The following FEZ2 variants were observed in gnomAD, a reference collection of about 807,000 sequenced individuals.
FEZ2 encodes fasciculation and elongation protein zeta 2.
Under a neutral mutation model 40.4 loss-of-function variants are expected in FEZ2, and 51 were observed. That is an observed-to-expected ratio of 1.26 (90% CI 1.01 to 1.59). The LOEUF (loss-of-function observed/expected upper bound fraction) is 1.59, where lower values mean the gene tolerates loss of function less well. FEZ2 is among the 40% of genes most tolerant of loss of function. FEZ2 has a pLI of 0.00. For synonymous variants in FEZ2, 242 were observed against 172.0 expected, an observed-to-expected ratio of 1.41 and a Z score of -3.18; for missense variants, 640 against 438.3, an observed-to-expected ratio of 1.46 and a Z score of -4.11.
At chr2:36,578,401 AC>A (rs1218664565) in intron 5 of FEZ2, among the ~76,000 whole-genome samples, 195 bp downstream of exon 5, 2 of 152,122 alleles carry the variant, frequency 1.3e-5, no homozygotes, top group African/African-American at 4.8e-5. Flanking sequence ...TAACCAGTAC[AC>A]CCTAGTCAAG....
intron 5 of FEZ2, chr2:36,558,910 C>G (rs991819748): frequency 2.3e-4 from 36 of 153,496 alleles, no homozygotes; most frequent in South Asian, 4.1e-4. Context: ...TTTAACAGTT[C>G]TGCACAATAA....
At chr2:36,565,428 G>C (rs1330522541) in intron 5 of FEZ2, among the ~76,000 whole-genome samples, 2 of 152,140 alleles carry the variant, frequency 1.3e-5, no homozygotes, top group African/African-American at 4.8e-5. Flanking sequence ...CTTCCACTGT[G>C]CAATTTCCAT....
intron 5 of FEZ2, among the ~76,000 whole-genome samples, chr2:36,576,301 G>A (rs867100872): frequency 6.6e-6 from 1 of 150,376 alleles, no homozygotes. Flanking sequence ...ACAGAGCCTC[G>A]TTCTGTTGCC....
chr2:36,573,562 A>G (rs536514537), intron 5 of FEZ2, among the ~76,000 whole-genome samples: 2 of 152,378 alleles, frequency 1.3e-5, no homozygotes, highest in South Asian at 2.1e-4. Context: ...TTCAACAAAC[A>G]TGCATTAAGT....
intron 5 of FEZ2, among the ~76,000 whole-genome samples, chr2:36,563,801 C>G (rs747375012): frequency 2.0e-5 from 3 of 152,182 alleles, no homozygotes; most frequent in Non-Finnish European, 4.4e-5. Flanking sequence ...TCTGAGACAT[C>G]CAGGAATCCC....
At chr2:36,588,227 C>T (rs561025685) in intron 2 of FEZ2, among the ~76,000 whole-genome samples, 1 of 152,090 alleles carries the variant, frequency 6.6e-6, no homozygotes, top group South Asian at 2.1e-4. Context: ...GGGGTTTCAC[C>T]GTGTTGGTAA....
rs184341130 is a variant in FEZ2, at chr2:36,591,857, G to A, written c.267-846C>T. Among the ~76,000 whole-genome samples, 96 of 152,204 alleles carry A rather than the reference G, an allele frequency of 6.3e-4. 1 individual carries two copies. Among genetic ancestry groups the A allele is most frequent in the African/African-American group, 2.1e-3 (88 of 41,536 alleles). On this transcript the variant is annotated intron_variant, in intron 1 of 7. Coordinates refer to ENST00000405912, the MANE Select transcript of FEZ2 (RefSeq NM_005102.3). ...ATCCTCTGCCCTTCTATAAATGAGAGACCTGGACAAGAAGCAGATACTCCT... is the reference window on the plus strand; with the variant it reads ...ATCCTCTGCCCTTCTATAAATGAGAAACCTGGACAAGAAGCAGATACTCCT...
At chr2:36,581,539 C>T (rs1271679722) in intron 3 of FEZ2, 108 bp from the exon 4 acceptor site, 1 of 917,584 alleles carries the variant, frequency 1.1e-6, no homozygotes, top group Non-Finnish European at 1.7e-6. Flanking sequence ...ACTGAATTCT[C>T]CATTAACCAA....
intron 5 of FEZ2, among the ~76,000 whole-genome samples, chr2:36,577,687 C>T (rs1668614995): frequency 2.0e-5 from 3 of 152,210 alleles, no homozygotes; most frequent in Admixed American, 2.0e-4. Flanking sequence ...TGGTGGCCCA[C>T]CATCCTAGAA....
At chr2:36,578,517 A>C (rs540767770) in intron 5 of FEZ2, 80 bp downstream of exon 5, 1 of 1,456,854 alleles carries the variant, frequency 6.9e-7, no homozygotes, top group South Asian at 1.4e-5. Flanking sequence ...AACCTGTCGC[A>C]CCTGCCACCA....
At chr2:36,597,121 CTG>C (rs1285580508) in intron 1 of FEZ2, among the ~76,000 whole-genome samples, 1 of 152,180 alleles carries the variant, frequency 6.6e-6, no homozygotes, top group Non-Finnish European at 1.5e-5. Context: ...GTTTTCGTCT[CTG>C]TGGCGGCTCG....
chr2:36,587,417 G>C (rs1430538578), intron 2 of FEZ2, among the ~76,000 whole-genome samples: 1 of 152,082 alleles, frequency 6.6e-6, no homozygotes, highest in East Asian at 1.9e-4. Flanking sequence ...CCAATGCCAG[G>C]GTTAGATACA....
intron 3 of FEZ2, among the ~76,000 whole-genome samples, chr2:36,583,069 C>A (rs924397533): frequency 6.6e-6 from 1 of 152,142 alleles, no homozygotes; most frequent in Non-Finnish European, 1.5e-5. Flanking sequence ...AGGAAATTCA[C>A]AATATTTTTC....
chr2:36,594,916 C>T (rs962370081), intron 1 of FEZ2, among the ~76,000 whole-genome samples: 3 of 152,188 alleles, frequency 2.0e-5, no homozygotes, highest in African/African-American at 7.2e-5. Context: ...AAGGTCAAAA[C>T]AATGGTAGTT....
chr2:36,571,552 G>A lies in FEZ2; in HGVS notation c.903+7045C>T, dbSNP rs1261259545. Among the ~76,000 whole-genome samples, 5 of 152,046 alleles carry A rather than the reference G, an allele frequency of 3.3e-5. No homozygotes were observed. The South Asian group carries it at 1.0e-3, about 32-fold the overall frequency. ...GCGCCGTCATCCCAGCTACTCAGGA[G>A]GCTGAGGCAGGAGAACCGCTTGAAC... On this transcript the variant is annotated intron_variant, in intron 5 of 7. Transcript: ENST00000405912.
chr2:36,581,178 C>A (rs1668731266), intron 4 of FEZ2, 112 bp downstream of exon 4: 11 of 1,028,034 alleles, frequency 1.1e-5, no homozygotes, highest in Non-Finnish European at 1.6e-5. Context: ...TAAATTTGGA[C>A]ACAAACACAA....
chr2:36,580,280 C>A (rs968376742), intron 4 of FEZ2, among the ~76,000 whole-genome samples: 2 of 152,172 alleles, frequency 1.3e-5, no homozygotes, highest in Non-Finnish European at 2.9e-5. Flanking sequence ...CAAATCAGAC[C>A]ATCTGAAAGA....
At chr2:36,559,441 C>T (rs1668035484) in intron 5 of FEZ2, among the ~76,000 whole-genome samples, 1 of 152,214 alleles carries the variant, frequency 6.6e-6, no homozygotes, top group Non-Finnish European at 1.5e-5. Flanking sequence ...GTGGCTAATC[C>T]TCACTGAGTG....
chr2:36,588,368 C>T (rs1475655971), intron 2 of FEZ2, among the ~76,000 whole-genome samples: 1 of 152,110 alleles, frequency 6.6e-6, no homozygotes, highest in African/African-American at 2.4e-5. Flanking sequence ...TTAAACTCTA[C>T]GTCATTACTA....
Sources: gnomAD v4.1 joint callset for allele counts (sites outside exome capture counted in the v4.1 genomes callset) on GRCh38, gnomAD v4.1.1 for gene constraint, MANE v1.5 for transcripts, NCBI Gene and HGNC (gene_info 2026-07-23, HGNC 2026-07-21) for gene names.